DOCK4: variants seen among roughly 807,000 people sequenced by gnomAD.
DOCK4 encodes the protein dedicator of cytokinesis 4.
A neutral mutation model predicts 268.1 loss-of-function variants in DOCK4; 97 were observed. The observed-to-expected ratio is 0.36, with a 90% confidence interval of 0.31 to 0.43. DOCK4 has a LOEUF of 0.43. DOCK4 is among the 20% of genes least tolerant of loss of function. DOCK4 has a pLI of 1.00. For synonymous variants in DOCK4, 954 were observed against 887.2 expected (o/e 1.08, Z -1.34); for missense variants, 2,145 against 2,455.7 (o/e 0.87, Z 2.67).
At chr7:111,934,289 A>T (rs1341016612) in intron 12 of DOCK4, among the ~76,000 whole-genome samples, 2 of 152,162 alleles carry the variant, frequency 1.3e-5, no homozygotes, top group Non-Finnish European at 2.9e-5. Flanking sequence ...TATGCTATAT[A>T]ATGTAGTATA....
intron 1 of DOCK4, among the ~76,000 whole-genome samples, chr7:112,119,488 C>G (rs1391185257): frequency 6.6e-6 from 1 of 152,220 alleles, no homozygotes; most frequent in Non-Finnish European, 1.5e-5. Context: ...TCAGACACCT[C>G]TGACACATTA....
At chr7:111,872,976 T>C (rs1293305067) in intron 17 of DOCK4, among the ~76,000 whole-genome samples, 1 of 152,242 alleles carries the variant, frequency 6.6e-6, no homozygotes, top group Non-Finnish European at 1.5e-5. Flanking sequence ...TCTTGAGGGC[T>C]GGGAACCTGC....
chr7:111,971,044 C>T (rs1270145392), intron 8 of DOCK4, among the ~76,000 whole-genome samples: 1 of 152,190 alleles, frequency 6.6e-6, no homozygotes, highest in Non-Finnish European at 1.5e-5. Context: ...CATAATTCTA[C>T]TGAGTGAACG....
chr7:112,081,193 A>C (rs1808550763), intron 1 of DOCK4, among the ~76,000 whole-genome samples: 1 of 152,150 alleles, frequency 6.6e-6, no homozygotes, highest in Non-Finnish European at 1.5e-5. Flanking sequence ...TCAGACAGGA[A>C]TGCGAATCCT....
chr7:111,939,933 G>A (rs1287447908), intron 11 of DOCK4, among the ~76,000 whole-genome samples, 177 bp downstream of exon 11: 1 of 152,092 alleles, frequency 6.6e-6, no homozygotes, highest in Non-Finnish European at 1.5e-5. Flanking sequence ...TCCTCTGACT[G>A]GCAAATTGTG....
At position 111,900,434 on chromosome 7, in the gene DOCK4, G is replaced by A; in HGVS notation, c.1420C>T (p.Pro474Ser). ...SPRWSELLKL[P>S]IPVDKFRGAH... is the part of the protein sequence containing the mutation. ...CCCCGGAATTTATCCACAGGAATGG[G>A]AAGTTTCAGCAGTTCAGACCACCTG... The change falls in exon 15 of 53, where the codon CCC becomes TCC. Residue 474 changes from proline to serine, a missense_variant. Around this residue, in one of 2 missense-constraint regions of DOCK4, gnomAD observed 1,598 missense variants for 1,986.7 expected, o/e 0.80. Coordinates refer to ENST00000428084, the MANE Select transcript of DOCK4 (RefSeq NM_001363540.2). The A allele has an allele frequency of 3.7e-6, 6 of 1,613,518 alleles. No homozygotes were observed. The highest frequency in any genetic ancestry group is 5.1e-6 in the Non-Finnish European group (6 of 1,179,744).
At position 112,066,684 on chromosome 7, in the gene DOCK4, CATATACATATATATATATATATAT is replaced by C. The variant is rs1807039522; in HGVS notation, c.38-62577_38-62554del. The stretch of plus-strand genomic sequence containing the variant: ...TTATACATATACATATACATATATA[CATATACATATATATATATATATAT>C]ATATATATATATATATATATATATA... On this transcript the variant is annotated intron_variant, in intron 1 of 52. Transcript: ENST00000428084. 4.4e-3 allele frequency among the ~76,000 whole-genome samples: 203 copies of C among 46,120 alleles called. 7 individuals carry two copies. Among genetic ancestry groups the C allele is most frequent in the Middle Eastern group, 0.014 (1 of 72 alleles). 30.3% of individuals were successfully genotyped at this position (46,120 alleles called of 152,430 possible). A position where few individuals can be genotyped will look rare whatever the true frequency, so the allele number is the denominator to read the frequency against.
Position 111,741,910 on chromosome 7 carries a change from G to C in DOCK4, c.4797+103C>G, listed in dbSNP as rs888467444. Reference sequence around the variant, plus strand: ...CTCCCTGGTAAAACAGTGCAGTTTGGTAGAAAAACCACAAGATGTCACTAT... The same window carrying C: ...CTCCCTGGTAAAACAGTGCAGTTTGCTAGAAAAACCACAAGATGTCACTAT... On this transcript the variant is annotated intron_variant, in intron 45 of 52. Coordinates refer to ENST00000428084, the MANE Select transcript of DOCK4 (RefSeq NM_001363540.2). 9.8e-6 allele frequency: 14 copies of C among 1,431,792 alleles called. No homozygotes were observed. The African/African-American group carries it at 2.0e-4, about 21-fold the overall frequency. 88.7% of individuals were successfully genotyped at this position (1,431,792 alleles called of 1,614,324 possible). A position where few individuals can be genotyped will look rare whatever the true frequency, so the allele number is the denominator to read the frequency against.
chr7:111,930,860 C>T lies in DOCK4; in HGVS notation c.1066+4680G>A, dbSNP rs564716148. On this transcript the variant is annotated intron_variant, in intron 12 of 52. Transcript: ENST00000428084. ...CAAGGGGATACAGAACAATGATCTA[C>T]GTAGACTGAAGGGTGGAAGCTTTGG... 9.2e-5 allele frequency among the ~76,000 whole-genome samples: 14 copies of T among 152,286 alleles called. No individual in the cohort carries two copies. In the East Asian group the frequency reaches 1.9e-3, roughly 21 times the overall value.
intron 1 of DOCK4, among the ~76,000 whole-genome samples, chr7:112,056,091 A>T (rs1335630984): frequency 6.6e-6 from 1 of 152,130 alleles, no homozygotes; most frequent in East Asian, 1.9e-4. Flanking sequence ...CTTGATAGGA[A>T]GGCAGGAGAG....
intron 26 of DOCK4, among the ~76,000 whole-genome samples, chr7:111,822,755 G>C (rs1327488176): frequency 3.3e-5 from 5 of 152,172 alleles, no homozygotes; most frequent in African/African-American, 4.8e-5. Context: ...TGTAACAGAA[G>C]ATTAACAGGG....
intron 1 of DOCK4, among the ~76,000 whole-genome samples, chr7:112,114,045 T>C (rs372851829): frequency 1.3e-5 from 2 of 152,154 alleles, no homozygotes; most frequent in African/African-American, 4.8e-5. Flanking sequence ...TTAAGTCCAC[T>C]GGCTTGAAGA....
intron 1 of DOCK4, among the ~76,000 whole-genome samples, chr7:112,065,605 T>C (rs914552163): frequency 1.3e-5 from 2 of 149,728 alleles, no homozygotes; most frequent in African/African-American, 2.5e-5. Flanking sequence ...AGGGCACTTA[T>C]TATTCTCAGG....
At chr7:111,845,136 C>T (rs1181549209) in intron 24 of DOCK4, among the ~76,000 whole-genome samples, 4 of 152,140 alleles carry the variant, frequency 2.6e-5, no homozygotes, top group Non-Finnish European at 4.4e-5. Flanking sequence ...ATCATGAAGG[C>T]ACACCAGACT....
At position 112,191,991 on chromosome 7, in the gene DOCK4, ATAT is replaced by A. The variant is rs561594227; in HGVS notation, c.37+14108_37+14110del. ...TATAATTATATATAAGTATACTTAA[ATAT>A]TATATATTATATAGTATATAACTTA... On this transcript the variant is annotated intron_variant, in intron 1 of 52. Transcript: ENST00000428084. Among the ~76,000 whole-genome samples, 677 of 148,194 alleles carry A rather than the reference ATAT, an allele frequency of 4.6e-3. 6 individuals carry two copies. Among genetic ancestry groups the A allele is most frequent in the African/African-American group, 0.015 (624 of 40,864 alleles).
At chr7:112,154,250 G>A (rs1008806876) in intron 1 of DOCK4, among the ~76,000 whole-genome samples, 2 of 152,052 alleles carry the variant, frequency 1.3e-5, no homozygotes, top group African/African-American at 2.4e-5. Flanking sequence ...GGGACTATAG[G>A]CATAAGCACC....
rs755942259 is a variant in DOCK4 at position 111,737,006 on chromosome 7, G to T, written c.5233-17C>A. On this transcript the variant is annotated splice_polypyrimidine_tract_variant and intron_variant, in intron 49 of 52. Transcript: ENST00000428084. ...CAGCATCCTCTGCAAAGTTACAAGG[G>T]TTGATTTTTATGATGTGATATACGG... The T allele has an allele frequency of 6.3e-6, 10 of 1,595,952 alleles. No individual in the cohort carries two copies. In the South Asian group the frequency reaches 1.0e-4, roughly 16 times the overall value.
intron 1 of DOCK4, among the ~76,000 whole-genome samples, chr7:112,098,956 C>T (rs1810413427): frequency 6.6e-6 from 1 of 151,962 alleles, no homozygotes; most frequent in Non-Finnish European, 1.5e-5. Flanking sequence ...ATTCTGAATA[C>T]TTAATTATCC....
At chr7:112,106,746 G>A (rs1213981927) in intron 1 of DOCK4, among the ~76,000 whole-genome samples, 1 of 152,184 alleles carries the variant, frequency 6.6e-6, no homozygotes, top group East Asian at 1.9e-4. Flanking sequence ...TGAATGCAGA[G>A]AATGAAGATT....
Sources: allele counts gnomAD v4.1 joint callset (sites outside exome capture counted in the v4.1 genomes callset), GRCh38; gene constraint gnomAD v4.1.1; regional missense constraint gnomAD v4.1.1; transcripts MANE v1.5; gene names NCBI Gene and HGNC (gene_info 2026-07-23, HGNC 2026-07-21).